SEMA6D: variants seen among roughly 807,000 people sequenced by gnomAD.
SEMA6D encodes semaphorin-6D.
A neutral mutation model predicts 106.6 loss-of-function variants in SEMA6D; 35 were observed. The observed-to-expected ratio is 0.33, with a 90% CI of 0.25 to 0.44. The LOEUF is 0.44. Ranked by LOEUF, SEMA6D falls within the 20% of genes least tolerant of loss-of-function variation. The probability of loss-of-function intolerance (pLI) is 1.00; values close to 1 mark genes in which losing one functional copy is unlikely to be tolerated. For missense variants in SEMA6D, 1,185 were observed against 1,345.9 expected, an observed-to-expected ratio of 0.88 and a Z score of 1.87; for synonymous variants, 499 against 487.7, an observed-to-expected ratio of 1.02 and a Z score of -0.31.
At chr15:47,569,038 G>A (rs1467308081) in intron 3 of SEMA6D, among the ~76,000 whole-genome samples, 3 of 152,052 alleles carry the variant, frequency 2.0e-5, no homozygotes, top group Non-Finnish European at 4.4e-5. Flanking sequence ...TTGGGAAAAC[G>A]AGGAGACAGG....
intron 3 of SEMA6D, among the ~76,000 whole-genome samples, chr15:47,483,051 C>T (rs2043197157): frequency 6.6e-6 from 1 of 151,866 alleles, no homozygotes; most frequent in Non-Finnish European, 1.5e-5. Flanking sequence ...AACAAATAAT[C>T]AATAGTTTAT....
chr15:47,494,889 T>C (rs2043604132), intron 3 of SEMA6D, among the ~76,000 whole-genome samples: 1 of 149,806 alleles, frequency 6.7e-6, no homozygotes, highest in South Asian at 2.1e-4. Context: ...TGCTAGCATT[T>C]ATATTTGCAT....
chr15:47,524,310 T>C (rs776286344), intron 3 of SEMA6D, among the ~76,000 whole-genome samples: 15 of 152,172 alleles, frequency 9.9e-5, no homozygotes, highest in Non-Finnish European at 1.9e-4. Context: ...CTGGGAATTG[T>C]GCGGGAGAAT....
At chr15:47,274,136 A>G (rs1470981) in intron 1 of SEMA6D, 92,586 of 151,936 alleles carry the variant, frequency 0.61, 28,690 homozygotes, top group East Asian at 0.92. Context: ...GCACATCAAC[A>G]TACGCAATTA....
chr15:47,653,031 C>T (rs1296790164), intron 4 of SEMA6D, among the ~76,000 whole-genome samples: 1 of 152,216 alleles, frequency 6.6e-6, no homozygotes, highest in East Asian at 1.9e-4. Context: ...TGTTGATGGA[C>T]TTACTCTCCA....
At chr15:47,518,638 G>T (rs767723248) in intron 3 of SEMA6D, among the ~76,000 whole-genome samples, 1 of 152,100 alleles carries the variant, frequency 6.6e-6, no homozygotes. Context: ...GCAAAAGTAC[G>T]ATCTAATGGA....
chr15:47,349,664 C>T (rs140003599), intron 1 of SEMA6D, among the ~76,000 whole-genome samples: 172 of 151,716 alleles, frequency 1.1e-3, no homozygotes, highest in African/African-American at 4.1e-3. Context: ...CCAAAAGATG[C>T]GGAAAAGAAA....
Position 47,545,793 on chromosome 15 carries a change from C to T in SEMA6D, c.-86-55072C>T, listed in dbSNP as rs530003303. Among the ~76,000 whole-genome samples the T allele has an allele frequency of 5.3e-5, 8 of 152,198 alleles. 1 individual carries two copies. Among genetic ancestry groups the T allele is most frequent in the African/African-American group, 1.9e-4 (8 of 41,536 alleles). On this transcript the variant is annotated intron_variant, in intron 3 of 19. Coordinates refer to the SEMA6D transcript ENST00000558014. Reference sequence around the variant, plus strand: ...AAGCCCTGGAATGAACATCTGAGGACATTCTATTTTGTTCCAGTTTAGATT... The same window carrying T: ...AAGCCCTGGAATGAACATCTGAGGATATTCTATTTTGTTCCAGTTTAGATT...
chr15:47,357,822 A>T (rs1020081966), intron 1 of SEMA6D, among the ~76,000 whole-genome samples: 1 of 152,204 alleles, frequency 6.6e-6, no homozygotes, highest in Non-Finnish European at 1.5e-5. Flanking sequence ...GTTAACCATC[A>T]CAGCCATTTA....
At chr15:47,323,846 T>C (rs2037022538) in intron 1 of SEMA6D, among the ~76,000 whole-genome samples, 1 of 152,204 alleles carries the variant, frequency 6.6e-6, no homozygotes, top group South Asian at 2.1e-4. Context: ...TCTACTAAAA[T>C]TATCACCTCT....
At chr15:47,272,406 G>A (rs1434578652) in intron 1 of SEMA6D, among the ~76,000 whole-genome samples, 3 of 151,866 alleles carry the variant, frequency 2.0e-5, no homozygotes, top group African/African-American at 7.3e-5. Flanking sequence ...GGCAGATTCT[G>A]ATCACTCAGA....
At chr15:47,460,771 T>A (rs181769758) in intron 2 of SEMA6D, among the ~76,000 whole-genome samples, 9 of 152,276 alleles carry the variant, frequency 5.9e-5, no homozygotes, top group African/African-American at 2.2e-4. Context: ...CCAGTTTTGG[T>A]AAATGTTATA....
At position 47,771,721 on chromosome 15, in the gene SEMA6D, C is replaced by T; in HGVS notation, c.3158C>T (p.Pro1053Leu). The change falls in exon 19 of 19, where the codon CCA (proline) becomes CTA (leucine). Residue 1053 changes from proline (P) to leucine (L), a missense_variant. Pro to Leu is a moderately conservative substitution (Grantham distance 98). This residue lies in a region of SEMA6D where 750 missense variants were observed against 783.5 expected (regional missense o/e 0.96). Transcript: ENST00000536845. ...ACGCCGTCCTTAAAACCTGACGTGC[C>T]ACCAAAGCCTTCCTTTGTTCCTCAA... ...KRTPSLKPDV[P>L]PKPSFVPQTP... 6.2e-7 allele frequency: 1 copy of T among 1,614,074 alleles called. No individual in the cohort carries two copies. The highest frequency in any genetic ancestry group is 8.5e-7 in the Non-Finnish European group (1 of 1,179,974).
rs539204723 is a variant in SEMA6D at position 47,297,765 on chromosome 15, C to T, written c.-239+113347C>T. Among the ~76,000 whole-genome samples, 380 of 152,152 alleles carry T rather than the reference C, an allele frequency of 2.5e-3. 2 individuals are homozygous for T. Among genetic ancestry groups the T allele is most frequent in the Non-Finnish European group, 3.7e-3 (250 of 67,996 alleles). On this transcript the variant is annotated intron_variant, in intron 1 of 19. Transcript: ENST00000558014. ...TTACTAAGAGTGTTAGCTAAGGGTT[C>T]CTTTGTGTGATCAAGGGAGCTGCTC... is the stretch of plus-strand genomic sequence containing the variant.
At chr15:47,332,424 T>G (rs1319512080) in intron 1 of SEMA6D, among the ~76,000 whole-genome samples, 3 of 152,188 alleles carry the variant, frequency 2.0e-5, no homozygotes, top group Non-Finnish European at 4.4e-5. Context: ...CAGCTTATCT[T>G]TAAGTTCAAG....
chr15:47,735,984 G>A (rs1555419345), intron 1 of SEMA6D, among the ~76,000 whole-genome samples: 2 of 152,226 alleles, frequency 1.3e-5, no homozygotes, highest in Non-Finnish European at 1.5e-5. Context: ...CAGAAGGAGA[G>A]AAAGGGAATG....
chr15:47,533,409 T>C (rs1445728931), intron 3 of SEMA6D, among the ~76,000 whole-genome samples: 2 of 152,208 alleles, frequency 1.3e-5, no homozygotes, highest in Non-Finnish European at 2.9e-5. Flanking sequence ...AAACATATCA[T>C]GGAGATTATT....
intron 2 of SEMA6D, among the ~76,000 whole-genome samples, chr15:47,425,237 A>AC (rs547478799): frequency 7.9e-5 from 12 of 151,900 alleles, no homozygotes; most frequent in Non-Finnish European, 1.6e-4. Flanking sequence ...TTTCAAGACA[A>AC]TTACATTATT....
At chr15:47,536,597 C>G (rs192878695) in intron 3 of SEMA6D, among the ~76,000 whole-genome samples, 6 of 152,142 alleles carry the variant, frequency 3.9e-5, no homozygotes, top group Non-Finnish European at 7.3e-5. Context: ...CATGTCTTCA[C>G]CTGAAAAATA....
Sources: allele counts gnomAD v4.1 joint callset (sites outside exome capture counted in the v4.1 genomes callset), GRCh38; gene constraint gnomAD v4.1.1; regional missense constraint gnomAD v4.1.1; transcripts MANE v1.5; gene names NCBI Gene and HGNC (gene_info 2026-07-23, HGNC 2026-07-21).